NKAIN3: variants seen among roughly 807,000 people sequenced by gnomAD.
The protein encoded by NKAIN3 is sodium/potassium-transporting ATPase subunit beta-1-interacting protein 3.
In NKAIN3, 25 loss-of-function variants were observed where a neutral mutation model predicts 30.2. That is an observed-to-expected ratio of 0.83 (90% CI 0.60 to 1.16). NKAIN3 has a LOEUF of 1.16. Ranked by LOEUF, NKAIN3 falls within the 50% of genes most tolerant of loss-of-function variation. NKAIN3 has a pLI of 0.00. For synonymous variants in NKAIN3, 91 were observed against 89.6 expected, an observed-to-expected ratio of 1.02 and a Z score of -0.09; for missense variants, 225 against 254.1, an observed-to-expected ratio of 0.89 and a Z score of 0.78.
chr8:62,463,295 T>C (rs1806052982), intron 1 of NKAIN3, among the ~76,000 whole-genome samples: 2 of 152,224 alleles, frequency 1.3e-5, no homozygotes, highest in South Asian at 2.1e-4. Context: ...GGAATGCTTA[T>C]TAGCAATTAA....
intron 4 of NKAIN3, among the ~76,000 whole-genome samples, chr8:62,765,027 G>T (rs985841925): frequency 6.6e-6 from 1 of 152,042 alleles, no homozygotes; most frequent in Admixed American, 6.6e-5. Flanking sequence ...GGCAGATCAC[G>T]AGGTCAGGAG....
At chr8:62,527,213 C>T (rs918394159) in intron 1 of NKAIN3, among the ~76,000 whole-genome samples, 1 of 152,176 alleles carries the variant, frequency 6.6e-6, no homozygotes, top group Admixed American at 6.6e-5. Flanking sequence ...AGCCAAACGA[C>T]TCAACATTTC....
intron 4 of NKAIN3, among the ~76,000 whole-genome samples, chr8:62,798,832 C>G (rs114882931): frequency 0.02 from 3,003 of 152,012 alleles, 99 homozygotes; most frequent in African/African-American, 0.069. Context: ...AGGAAGAGTA[C>G]CAAAAATGTT....
chr8:62,398,531 A>G (rs1245496331), intron 1 of NKAIN3, among the ~76,000 whole-genome samples: 1 of 152,246 alleles, frequency 6.6e-6, no homozygotes. Flanking sequence ...TATCAATGGT[A>G]TGGCATGACT....
chr8:62,269,852 G>A (rs558250837), intron 1 of NKAIN3, among the ~76,000 whole-genome samples: 2 of 152,100 alleles, frequency 1.3e-5, no homozygotes, highest in East Asian at 1.9e-4. Flanking sequence ...ATAATTTCAC[G>A]AGATTCACTG....
rs557979977 is a variant in NKAIN3, at chr8:62,289,652, A to G, written c.54+40525A>G. ...GCTGTTTTGGTTACTGTAGGCTTGT[A>G]GTATAGTTTGAAGTCAGGTAGGGTG... is the stretch of plus-strand genomic sequence containing the variant. On this transcript the variant is annotated intron_variant, in intron 1 of 6. Transcript: ENST00000623646. Among the ~76,000 whole-genome samples, 5 of 152,196 alleles carry G rather than the reference A, an allele frequency of 3.3e-5. No homozygotes were observed. The East Asian group carries it at 9.7e-4, about 29-fold the overall frequency.
intron 1 of NKAIN3, among the ~76,000 whole-genome samples, chr8:62,501,814 A>T (rs919784179): frequency 2.6e-5 from 4 of 152,170 alleles, no homozygotes; most frequent in Non-Finnish European, 4.4e-5. Flanking sequence ...GTGCTACTAT[A>T]TGCATGCAAA....
At chr8:62,804,658 A>G (rs1586215473) in intron 4 of NKAIN3, among the ~76,000 whole-genome samples, 1 of 152,188 alleles carries the variant, frequency 6.6e-6, no homozygotes, top group Non-Finnish European at 1.5e-5. Context: ...CCTCAAAATA[A>G]TAAGAGCTAT....
intron 1 of NKAIN3, among the ~76,000 whole-genome samples, chr8:62,437,400 C>A (rs13278666): frequency 0.42 from 64,170 of 152,044 alleles, 15,374 homozygotes; most frequent in Non-Finnish European, 0.53. Flanking sequence ...AAATAAATTT[C>A]TCAGGTTTAC....
chr8:62,482,818 T>C (rs1806768961), intron 1 of NKAIN3: 2 of 152,250 alleles, frequency 1.3e-5, no homozygotes, highest in African/African-American at 4.8e-5. Context: ...TGGGGTAATA[T>C]TAGCAGGAAT....
chr8:62,479,078 G>A (rs1806615176), intron 1 of NKAIN3, among the ~76,000 whole-genome samples: 1 of 152,106 alleles, frequency 6.6e-6, no homozygotes, highest in Non-Finnish European at 1.5e-5. Context: ...GCCTGCAGGT[G>A]CTAGCCTCAT....
At chr8:62,614,941 G>A (rs1188384701) in intron 3 of NKAIN3, among the ~76,000 whole-genome samples, 1 of 152,184 alleles carries the variant, frequency 6.6e-6, no homozygotes, top group Non-Finnish European at 1.5e-5. Flanking sequence ...TGCTATTTAG[G>A]AGTCAATTCC....
chr8:62,584,541 C>T (rs767382864), intron 2 of NKAIN3, among the ~76,000 whole-genome samples: 27 of 152,140 alleles, frequency 1.8e-4, no homozygotes, highest in Non-Finnish European at 3.8e-4. Flanking sequence ...AAAATTGTTT[C>T]TTTATCTACT....
chr8:62,496,009 C>T (rs1451098959), intron 1 of NKAIN3, among the ~76,000 whole-genome samples: 1 of 152,108 alleles, frequency 6.6e-6, no homozygotes, highest in African/African-American at 2.4e-5. Context: ...ATTTTGACTA[C>T]AGTAAATGTG....
intron 1 of NKAIN3, among the ~76,000 whole-genome samples, chr8:62,423,557 T>A (rs1214837499): frequency 2.0e-5 from 3 of 151,816 alleles, no homozygotes; most frequent in Admixed American, 6.6e-5. Flanking sequence ...TCTTTTCTGT[T>A]ATTGGCATTC....
intron 1 of NKAIN3, among the ~76,000 whole-genome samples, chr8:62,466,234 G>T (rs12548859): frequency 0.33 from 50,535 of 151,790 alleles, 9,641 homozygotes; most frequent in South Asian, 0.45. Flanking sequence ...CAAGTCAATT[G>T]TTTTCCTCAA....
chr8:62,547,335 T>G (rs1417501540), intron 1 of NKAIN3, among the ~76,000 whole-genome samples: 1 of 152,180 alleles, frequency 6.6e-6, no homozygotes, highest in South Asian at 2.1e-4. Flanking sequence ...ATCTCAGACA[T>G]TCAATTTTCT....
chr8:62,914,704 G>A (rs1179267701), intron 4 of NKAIN3, among the ~76,000 whole-genome samples: 1 of 148,864 alleles, frequency 6.7e-6, no homozygotes, highest in African/African-American at 2.5e-5. Flanking sequence ...AAATTAGGAT[G>A]TCATAATCAT....
chr8:62,503,385 A>G (rs895505399), intron 1 of NKAIN3, among the ~76,000 whole-genome samples: 1 of 152,200 alleles, frequency 6.6e-6, no homozygotes, highest in African/African-American at 2.4e-5. Context: ...CTGAGGAAAT[A>G]GGACCAAGGC....
Sources: allele counts gnomAD v4.1 joint callset (sites outside exome capture counted in the v4.1 genomes callset), GRCh38; gene constraint gnomAD v4.1.1; transcripts MANE v1.5; gene names NCBI Gene and HGNC (gene_info 2026-07-23, HGNC 2026-07-21).